DOCK3: variants seen among roughly 807,000 people sequenced by gnomAD.
DOCK3 encodes dedicator of cytokinesis 3.
DOCK3 carries 60 observed loss-of-function variants against 265.6 expected under a neutral mutation model. The observed-to-expected ratio is 0.23, with a 90% CI of 0.18 to 0.28. The LOEUF (loss-of-function observed/expected upper bound fraction) is 0.28, where lower values mean the gene tolerates loss of function less well. Among genes scored for constraint, DOCK3 ranks in the 10% least tolerant of loss-of-function variants. DOCK3 has a pLI of 1.00. For synonymous variants in DOCK3, 881 were observed against 938.0 expected, an observed-to-expected ratio of 0.94 and a Z score of 1.11; for missense variants, 1,981 against 2,594.3, an observed-to-expected ratio of 0.76 and a Z score of 5.14.
intron 19 of DOCK3, among the ~76,000 whole-genome samples, chr3:51,233,350 CTATCTATCTATT>C (rs1560254380): frequency 1.7e-4 from 4 of 24,158 alleles, no homozygotes; most frequent in Non-Finnish European, 9.6e-4. Context: ...ATCTATCTAT[CTATCTATCTATT>C]TATTTATTTA....
chr3:51,238,119 C>CTTTTTTTTTTTT (rs747331452), intron 21 of DOCK3, among the ~76,000 whole-genome samples: 1 of 47,486 alleles, frequency 2.1e-5, no homozygotes, highest in Non-Finnish European at 3.7e-5. Context: ...ATATTTACCA[C>CTTTTTTTTTTTT]TTTTTTTTTT....
rs141504076 is a variant in DOCK3, at chr3:51,044,009, A to G, written c.316-20439A>G. Reference sequence around the variant, plus strand: ...TAAGTTAATTCAGCTACTATGGAAGACAGTGTGGCAATTCCTAAAAGACCT... The same window carrying G: ...TAAGTTAATTCAGCTACTATGGAAGGCAGTGTGGCAATTCCTAAAAGACCT... On this transcript the variant is annotated intron_variant, in intron 5 of 52. Transcript: ENST00000266037. Among the ~76,000 whole-genome samples the G allele has an allele frequency of 2.0e-5, 3 of 152,336 alleles. No homozygotes were observed. In the East Asian group the frequency reaches 5.8e-4, roughly 29 times the overall value.
intron 22 of DOCK3, 28 bp from the exon 23 acceptor site, chr3:51,260,128 C>A (rs1320298724): frequency 1.2e-6 from 2 of 1,601,904 alleles, no homozygotes; most frequent in East Asian, 2.3e-5. Flanking sequence ...CAACATCTCT[C>A]CATCACTTTT....
Position 51,225,702 on chromosome 3 carries a change from G to A in DOCK3, c.1306G>A (p.Gly436Arg). 6.2e-7 allele frequency: 1 copy of A among 1,613,738 alleles called. No homozygotes were observed. The highest frequency in any genetic ancestry group is 8.5e-7 in the Non-Finnish European group (1 of 1,179,754). Residue 436 changes from glycine (G) to arginine (R), a missense_variant, in exon 15 of 53, where the codon GGA (glycine) becomes AGA (arginine). By Grantham distance (125) the Gly-to-Arg change is moderately radical. Transcript: ENST00000266037. ...LTLEKGDFER[G>R]GKSVQKNIEV... ...CCTGGAGAAGGGGGATTTCGAGAGA[G>A]GAGGAAAGAGTGTACAAAAGAATAT...
intron 5 of DOCK3, among the ~76,000 whole-genome samples, chr3:50,977,240 G>A (rs1196732241): frequency 2.0e-5 from 3 of 151,820 alleles, no homozygotes; most frequent in Non-Finnish European, 2.9e-5. Flanking sequence ...TCCTAGTCTC[G>A]ATGGTCTTTA....
At chr3:51,293,072 T>C (rs2081878253) in intron 27 of DOCK3, among the ~76,000 whole-genome samples, 1 of 152,142 alleles carries the variant, frequency 6.6e-6, no homozygotes, top group African/African-American at 2.4e-5. Context: ...ACAGATTCAA[T>C]GCAATCTCCA....
At chr3:51,229,171 C>A (rs1000023126) in intron 18 of DOCK3, among the ~76,000 whole-genome samples, 1 of 152,080 alleles carries the variant, frequency 6.6e-6, no homozygotes, top group African/African-American at 2.4e-5. Context: ...CAGGGTTTGG[C>A]CATGTGCGGT....
At chr3:51,378,650 C>A (rs889878288) in intron 51 of DOCK3, among the ~76,000 whole-genome samples, 1 of 152,222 alleles carries the variant, frequency 6.6e-6, no homozygotes, top group African/African-American at 2.4e-5. Flanking sequence ...GGTATTTGTT[C>A]TCTAGGAGGA....
chr3:51,279,171 A>G (rs2080981923), intron 26 of DOCK3, among the ~76,000 whole-genome samples: 1 of 152,054 alleles, frequency 6.6e-6, no homozygotes, highest in African/African-American at 2.4e-5. Flanking sequence ...AGAATCGCTT[A>G]TACCTAGGAG....
intron 5 of DOCK3, among the ~76,000 whole-genome samples, chr3:51,003,595 T>C (rs1266285375): frequency 6.6e-6 from 1 of 152,210 alleles, no homozygotes. Context: ...ACATTTTCCA[T>C]AGTGGAGAAT....
intron 14 of DOCK3, among the ~76,000 whole-genome samples, chr3:51,221,794 C>T (rs1263109240): frequency 6.6e-6 from 1 of 152,144 alleles, no homozygotes; most frequent in African/African-American, 2.4e-5. Context: ...GTCAGGGCTG[C>T]CCAAGGTCCT....
rs71084135 is a variant in DOCK3 at position 51,233,316 on chromosome 3, T to TTCTA, written c.1918-2987_1918-2984dup. Among the ~76,000 whole-genome samples the TTCTA allele has an allele frequency of 9.3e-3, 654 of 70,446 alleles. 2 individuals carry two copies. Among genetic ancestry groups the TTCTA allele is most frequent in the Non-Finnish European group, 0.019 (363 of 19,294 alleles). The allele number at this position is 70,446 out of a possible 152,430, so 46.2% of individuals were successfully genotyped here. On this transcript the variant is annotated intron_variant, in intron 19 of 52. Coordinates refer to ENST00000266037, the MANE Select transcript of DOCK3 (RefSeq NM_004947.5). Reference sequence around the variant, plus strand: ...TATTTCTTTTAGCAGTATTCTTTCTTTCTATCTATCTATCTATCTATCTAT... The same window carrying TTCTA: ...TATTTCTTTTAGCAGTATTCTTTCTTTCTATCTATCTATCTATCTATCTATCTAT...
chr3:51,268,959 C>T (rs2080341533), intron 23 of DOCK3, among the ~76,000 whole-genome samples: 1 of 151,974 alleles, frequency 6.6e-6, no homozygotes, highest in Non-Finnish European at 1.5e-5. Flanking sequence ...AACTTTGTAA[C>T]ACAATAATGC....
chr3:51,155,537 G>C (rs967977438), intron 10 of DOCK3, among the ~76,000 whole-genome samples: 3 of 152,182 alleles, frequency 2.0e-5, no homozygotes, highest in East Asian at 3.8e-4. Flanking sequence ...TATGGTTGAT[G>C]CTGACCTTTT....
At chr3:51,357,415 C>G (rs1483997694) in intron 44 of DOCK3, among the ~76,000 whole-genome samples, 1 of 152,158 alleles carries the variant, frequency 6.6e-6, no homozygotes, top group Non-Finnish European at 1.5e-5. Flanking sequence ...CCAAGAGGAG[C>G]CTTGGAGCCC....
At chr3:50,805,004 A>G (rs1009952151) in intron 2 of DOCK3, among the ~76,000 whole-genome samples, 1 of 151,978 alleles carries the variant, frequency 6.6e-6, no homozygotes, top group Non-Finnish European at 1.5e-5. Context: ...TTTTTCTGGC[A>G]TTTCACATAT....
chr3:50,686,810 G>T (rs1206114223), intron 1 of DOCK3, among the ~76,000 whole-genome samples: 2 of 151,404 alleles, frequency 1.3e-5, no homozygotes, highest in African/African-American at 4.9e-5. Flanking sequence ...TGGGGAGGCT[G>T]AGGCAGGAGA....
At chr3:51,092,606 C>G (rs923016935) in intron 9 of DOCK3, among the ~76,000 whole-genome samples, 5 of 152,212 alleles carry the variant, frequency 3.3e-5, no homozygotes, top group Non-Finnish European at 5.9e-5. Flanking sequence ...TTTAGTTTCC[C>G]TGCCTGATGG....
At chr3:50,753,906 A>T (rs1241502507) in intron 1 of DOCK3, among the ~76,000 whole-genome samples, 1 of 152,130 alleles carries the variant, frequency 6.6e-6, no homozygotes, top group Non-Finnish European at 1.5e-5. Flanking sequence ...GCTGCAGGCC[A>T]GCACTTTGGG....
Sources: allele counts gnomAD v4.1 joint callset (sites outside exome capture counted in the v4.1 genomes callset), GRCh38; gene constraint gnomAD v4.1.1; transcripts MANE v1.5; gene names NCBI Gene and HGNC (gene_info 2026-07-23, HGNC 2026-07-21).